The following ANK3 variants were observed in gnomAD, a reference collection of about 807,000 sequenced individuals.
ANK3 encodes ankyrin 3.
Under a neutral mutation model 370.9 loss-of-function variants are expected in ANK3, and 57 were observed. That is an observed-to-expected ratio of 0.15 (90% CI 0.12 to 0.19). ANK3 has a LOEUF of 0.19. ANK3 is among the 10% of genes least tolerant of loss of function. The pLI, the probability that ANK3 is intolerant of heterozygous loss-of-function variation, is 1.00. For synonymous variants in ANK3, 1,929 were observed against 1,946.3 expected (o/e 0.99, Z 0.23); for missense variants, 4,439 against 5,302.1 (o/e 0.84, Z 5.06).
At chr10:60,346,538 C>T (rs78908423) in intron 1 of ANK3, among the ~76,000 whole-genome samples, 26,821 of 151,826 alleles carry the variant, frequency 0.18, 2,943 homozygotes, top group South Asian at 0.29. Context: ...ATAATAAATG[C>T]CCCACATTAA....
chr10:60,077,403 T>C (rs10994180), intron 36 of ANK3, among the ~76,000 whole-genome samples: 28,387 of 152,208 alleles, frequency 0.19, 3,377 homozygotes, highest in Non-Finnish European at 0.27. Flanking sequence ...CAATATATCA[T>C]GGCAAACAAG....
chr10:60,163,102 T>C (rs1323331060), intron 23 of ANK3, among the ~76,000 whole-genome samples: 1 of 152,164 alleles, frequency 6.6e-6, no homozygotes, highest in Non-Finnish European at 1.5e-5. Context: ...CTCCTTTCTC[T>C]TTCTTCTTCC....
At chr10:60,687,233 T>C (rs1241079194) in intron 1 of ANK3, among the ~76,000 whole-genome samples, 1 of 152,170 alleles carries the variant, frequency 6.6e-6, no homozygotes, top group Non-Finnish European at 1.5e-5. Context: ...CCCCTCTCAA[T>C]AGTTTATTAA....
chr10:60,695,089 G>T (rs566028859), intron 1 of ANK3, among the ~76,000 whole-genome samples: 1 of 150,028 alleles, frequency 6.7e-6, no homozygotes, highest in South Asian at 2.1e-4. Context: ...AAAGGCAGGG[G>T]TTGCAATCCT....
At chr10:60,479,274 T>C (rs2075150255) in intron 2 of ANK3, among the ~76,000 whole-genome samples, 1 of 152,154 alleles carries the variant, frequency 6.6e-6, no homozygotes. Context: ...ATACTGCTTT[T>C]TCCTATGTTT....
At chr10:60,103,009 G>A (rs989223096) in intron 28 of ANK3, among the ~76,000 whole-genome samples, 5 of 151,762 alleles carry the variant, frequency 3.3e-5, no homozygotes, top group African/African-American at 1.2e-4. Context: ...GGAGTGCAGT[G>A]GCGCGATCTT....
intron 1 of ANK3, among the ~76,000 whole-genome samples, chr10:60,665,288 A>G (rs190301072): frequency 2.0e-3 from 312 of 152,354 alleles, no homozygotes; most frequent in Non-Finnish European, 3.6e-3. Context: ...TTGAACTGCC[A>G]GAGAATAGAA....
Position 60,300,464 on chromosome 10 carries a change from TAGGAAGGAGGTAGG to T in ANK3, c.115-20839_115-20826del, listed in dbSNP as rs2132797407. On this transcript the variant is annotated intron_variant, in intron 1 of 43. Transcript: ENST00000280772. The stretch of plus-strand genomic sequence containing the variant: ...AAATGTAAAGGTTTCCCCCACTTCC[TAGGAAGGAGGTAGG>T]AGCTGGTCAGAAGCAACTAACTAGA... 6 of 1,283,602 alleles carry T rather than the reference TAGGAAGGAGGTAGG, an allele frequency of 4.7e-6. No homozygotes were observed. In the South Asian group the frequency reaches 7.5e-5, roughly 16 times the overall value. The allele number at this position is 1,283,602 out of a possible 1,614,324, so 79.5% of individuals were successfully genotyped here. A position where few individuals can be genotyped will look rare whatever the true frequency, so the allele number is the denominator to read the frequency against.
chr10:60,643,541 T>TATCC (rs2078666776), intron 1 of ANK3, among the ~76,000 whole-genome samples: 4 of 143,982 alleles, frequency 2.8e-5, no homozygotes, highest in South Asian at 2.2e-4. Context: ...TCTATCTATC[T>TATCC]ATCCATCCAT....
chr10:60,385,983 C>T (rs1156469276), intron 1 of ANK3, among the ~76,000 whole-genome samples: 1 of 152,142 alleles, frequency 6.6e-6, no homozygotes, highest in Non-Finnish European at 1.5e-5. Context: ...CAGAAGCCAA[C>T]AACGACAGTC....
At chr10:60,390,743 CACACACACACACACACACACACAA>C (rs1423220863), upstream of ANK3, among the ~76,000 whole-genome samples, 2 of 95,062 alleles carry the variant, frequency 2.1e-5, no homozygotes, top group African/African-American at 7.2e-5. Context: ...CACACACACA[CACACACACACACACACACACACAA>C]ACAACAATTT....
intron 1 of ANK3, among the ~76,000 whole-genome samples, chr10:60,722,742 T>C (rs2079881667): frequency 6.6e-6 from 1 of 152,018 alleles, no homozygotes; most frequent in Non-Finnish European, 1.5e-5. Context: ...TGGTGATGAG[T>C]GAGATCTCAC....
chr10:60,187,503 A>G (rs1000843412), intron 16 of ANK3, among the ~76,000 whole-genome samples: 17 of 152,194 alleles, frequency 1.1e-4, no homozygotes, highest in African/African-American at 3.9e-4. Context: ...TTGGTTTTCC[A>G]AAAGGAATAT....
intron 2 of ANK3, among the ~76,000 whole-genome samples, chr10:60,542,110 A>C (rs1433636261): frequency 6.6e-6 from 1 of 151,074 alleles, no homozygotes; most frequent in African/African-American, 2.4e-5. Flanking sequence ...CCAATTACCA[A>C]CCCTTTGGCT....
chr10:60,572,757 A>G, intron 2 of ANK3: 1 of 1,308,634 alleles, frequency 7.6e-7, no homozygotes, highest in Non-Finnish European at 9.7e-7. Context: ...CTCTATATCA[A>G]ACAGTCAATT....
chr10:60,172,477 G>A (rs1565455600), intron 20 of ANK3, 74 bp from the exon 21 acceptor site: 2 of 1,199,192 alleles, frequency 1.7e-6, no homozygotes, highest in East Asian at 2.5e-5. Flanking sequence ...CAAAATGTAA[G>A]GTGAGTGTCT....
In ANK3 at chr10:60,075,398, A is replaced by C; in HGVS notation, c.5483T>G (p.Val1828Gly). The change falls in exon 37 of 44, where the codon GTC (valine) becomes GGC (glycine). Residue 1828 changes from valine to glycine, a missense_variant. Physicochemically the swap from Val to Gly is moderately radical, Grantham distance 109 (BLOSUM62 -3). This residue lies in a region of ANK3 where 679 missense variants were observed against 791.0 expected (regional missense o/e 0.86). Transcript: ENST00000280772. The stretch of plus-strand genomic sequence containing the variant: ...TAATGCTGGTTCTGGCAAAACATTG[A>C]CTACAGAGTATACTGGCACTGTTAT... ...SIITVPVYSV[V>G]NVLPEPALKK... 1 of 1,613,914 alleles carries C rather than the reference A, an allele frequency of 6.2e-7. No individual in the cohort carries two copies.
At chr10:60,475,845 T>C (rs979322493) in intron 2 of ANK3, among the ~76,000 whole-genome samples, 1 of 152,124 alleles carries the variant, frequency 6.6e-6, no homozygotes, top group Non-Finnish European at 1.5e-5. Context: ...AAAATCTGGT[T>C]CTGAAGCAGC....
At chr10:60,321,772 G>C (rs1235198761) in intron 1 of ANK3, among the ~76,000 whole-genome samples, 1 of 152,194 alleles carries the variant, frequency 6.6e-6, no homozygotes. Context: ...CCACTGTGGA[G>C]CCCTGCCTCC....
Sources: gnomAD v4.1 joint callset for allele counts (sites outside exome capture counted in the v4.1 genomes callset) on GRCh38, gnomAD v4.1.1 for gene constraint, gnomAD v4.1.1 regional missense constraint, MANE v1.5 for transcripts, NCBI Gene and HGNC (gene_info 2026-07-23, HGNC 2026-07-21) for gene names.